BTAF1: variants seen among roughly 807,000 people sequenced by gnomAD.
BTAF1 encodes TATA-binding protein-associated factor 172.
In BTAF1, 38 loss-of-function variants were observed where a neutral mutation model predicts 227.1. The observed-to-expected ratio is 0.17, with a 90% CI of 0.13 to 0.22. BTAF1 has a LOEUF of 0.22. BTAF1 is among the 10% of genes least tolerant of loss of function. The pLI is 1.00. For missense variants in BTAF1, 1,598 were observed against 2,204.0 expected (o/e 0.73, Z 5.51); for synonymous variants, 742 against 751.9 (o/e 0.99, Z 0.21).
chr10:91,940,993 A>C (rs1844955039), intron 3 of BTAF1, among the ~76,000 whole-genome samples: 2 of 152,214 alleles, frequency 1.3e-5, no homozygotes, highest in Admixed American at 6.5e-5. Context: ...TAGAGGCATG[A>C]GCCACTGTGC....
rs991747650 is a variant in BTAF1 at position 92,027,133 on chromosome 10, C to T, written c.5239C>T (p.Arg1747Cys). The change falls in exon 37 of 38, where the codon CGT becomes TGT. Residue 1747 changes from arginine to cysteine, a missense_variant. Transcript: ENST00000265990. ...CTTAACTGTTTTTCTTATCCAGAAA[C>T]GTGTGGTTAACGTATACCGATTGAT... ...MDRAHRIGQK[R>C]VVNVYRLITR... 12 of 1,607,928 alleles carry T rather than the reference C, an allele frequency of 7.5e-6. No individual in the cohort carries two copies. In the East Asian group the frequency reaches 1.6e-4, roughly 21 times the overall value.
At chr10:92,007,905 AGTT>A (rs1707744240) in intron 25 of BTAF1, among the ~76,000 whole-genome samples, 1 of 152,218 alleles carries the variant, frequency 6.6e-6, no homozygotes, top group Admixed American at 6.5e-5. Context: ...GGGAAAATGA[AGTT>A]GTAGATTATG....
intron 19 of BTAF1, among the ~76,000 whole-genome samples, chr10:91,987,128 T>G (rs1321205847): frequency 2.0e-5 from 3 of 151,666 alleles, no homozygotes; most frequent in African/African-American, 4.8e-5. Flanking sequence ...TTTTTTTTTT[T>G]TTGACAAAGA....
At chr10:92,009,532 CT>C (rs1258576920) in intron 28 of BTAF1, among the ~76,000 whole-genome samples, 2 of 152,190 alleles carry the variant, frequency 1.3e-5, no homozygotes, top group Non-Finnish European at 2.9e-5. Flanking sequence ...TTTCTACCCA[CT>C]TTCCTGAGAG....
intron 19 of BTAF1, among the ~76,000 whole-genome samples, chr10:91,986,317 T>C (rs1214345083): frequency 6.6e-6 from 1 of 152,218 alleles, no homozygotes; most frequent in African/African-American, 2.4e-5. Flanking sequence ...TCTTTCCTTA[T>C]GCCAGCATCC....
intron 25 of BTAF1, among the ~76,000 whole-genome samples, chr10:91,999,398 CTT>C (rs528102402): frequency 6.8e-6 from 1 of 146,952 alleles, no homozygotes; most frequent in Admixed American, 6.8e-5. Flanking sequence ...ATTTTCAAGA[CTT>C]TTTTTTTTTG....
Position 91,942,498 on chromosome 10 carries a change from A to T in BTAF1, c.330A>T (p.Arg110Ser), listed in dbSNP as rs752993328. Residue 110 changes from arginine (R) to serine (S), a missense_variant, in exon 4 of 38, where the codon AGA becomes AGT. Coordinates refer to ENST00000265990, the MANE Select transcript of BTAF1 (RefSeq NM_003972.3). ...RLNFDRFDIC[R>S]LLQHGASLLG... ...ATTTTGACAGATTTGATATATGTAG[A>T]TTGTTACAACATGGTGCATCACTCC... The T allele has an allele frequency of 6.2e-7, 1 of 1,614,124 alleles. No individual in the cohort carries two copies. Among genetic ancestry groups the T allele is most frequent in the East Asian group, 2.2e-5 (1 of 44,884 alleles).
Position 91,942,566 on chromosome 10 carries a change from C to T in BTAF1, c.398C>T (p.Ser133Leu). Residue 133 changes from serine to leucine, a missense_variant and splice_region_variant, in exon 4 of 38, where the codon TCA becomes TTA. Physicochemically the swap from Ser to Leu is moderately radical, Grantham distance 145 (BLOSUM62 -2). Coordinates refer to ENST00000265990, the MANE Select transcript of BTAF1 (RefSeq NM_003972.3). ...GAEFEVQDEK[S>L]GEVDPKERIA... ...GAATTTGAAGTCCAAGATGAAAAAT[C>T]AGGTCTGTAGTGGTTCTGAGAAGAA... The T allele has an allele frequency of 6.2e-7, 1 of 1,613,916 alleles. No homozygotes were observed. The highest frequency in any genetic ancestry group is 8.5e-7 in the Non-Finnish European group (1 of 1,179,956).
Position 91,960,135 on chromosome 10 carries a change from A to G in BTAF1, c.1244A>G (p.Tyr415Cys). 5 of 1,612,906 alleles carry G rather than the reference A, an allele frequency of 3.1e-6. No individual in the cohort carries two copies. Among genetic ancestry groups the G allele is most frequent in the Non-Finnish European group, 4.2e-6 (5 of 1,179,470 alleles). ...VRHGGLLGIK[Y>C]ALAVRQDVIN... ...CATGGTGGTCTGCTGGGAATAAAAT[A>G]TGCTTTGGCAGTCCGTCAGGTAAAT... The change falls in exon 11 of 38, where the codon TAT becomes TGT. Residue 415 changes from tyrosine (Y) to cysteine (C), a missense_variant. Physicochemically the swap from Tyr to Cys is radical, Grantham distance 194 (BLOSUM62 -2). This residue lies in a region of BTAF1 where 52 missense variants were observed against 72.4 expected (regional missense o/e 0.72). Transcript: ENST00000265990.
chr10:92,007,553 A>G lies in BTAF1; in HGVS notation c.3661-570A>G, dbSNP rs913024521. Among the ~76,000 whole-genome samples, 22 of 152,244 alleles carry G rather than the reference A, an allele frequency of 1.4e-4. No homozygotes were observed. The East Asian group carries it at 3.5e-3, about 24-fold the overall frequency. The stretch of plus-strand genomic sequence containing the variant: ...AGGACATTTTTAAGTAACACTGGCT[A>G]TTTGAAAAAATGCTAATGTATAGTT... On this transcript the variant is annotated intron_variant, in intron 25 of 37. Coordinates refer to ENST00000265990, the MANE Select transcript of BTAF1 (RefSeq NM_003972.3).
chr10:91,960,521 GA>G (rs1431787609), intron 11 of BTAF1, among the ~76,000 whole-genome samples: 1 of 151,490 alleles, frequency 6.6e-6, no homozygotes, highest in African/African-American at 2.4e-5. Flanking sequence ...ATACATACAG[GA>G]GTAGACATCA....
intron 12 of BTAF1, 80 bp downstream of exon 12, chr10:91,962,758 T>G: frequency 7.6e-7 from 1 of 1,308,994 alleles, no homozygotes. Flanking sequence ...ATACATTGTG[T>G]ACATTTTTCT....
intron 14 of BTAF1, among the ~76,000 whole-genome samples, chr10:91,974,144 A>C (rs1847518878): frequency 6.6e-6 from 1 of 152,146 alleles, no homozygotes; most frequent in African/African-American, 2.4e-5. Context: ...CTCAAGCTAT[A>C]CCTCAATAAT....
At chr10:91,941,608 A>G (rs1845003675) in intron 3 of BTAF1, among the ~76,000 whole-genome samples, 1 of 152,170 alleles carries the variant, frequency 6.6e-6, no homozygotes, top group Non-Finnish European at 1.5e-5. Context: ...TTGAGTGCAT[A>G]GTTGCTTTGT....
At chr10:92,002,948 A>G (rs959383614) in intron 25 of BTAF1, among the ~76,000 whole-genome samples, 2 of 152,114 alleles carry the variant, frequency 1.3e-5, no homozygotes, top group Non-Finnish European at 2.9e-5. Flanking sequence ...TCACGAGGTC[A>G]GGAGTTCAAG....
chr10:92,018,461 A>G (rs2134152642), intron 33 of BTAF1, among the ~76,000 whole-genome samples: 1 of 152,318 alleles, frequency 6.6e-6, no homozygotes, highest in South Asian at 2.1e-4. Flanking sequence ...TGTCTGCATT[A>G]CCAGGTACTT....
chr10:91,942,298 T>TTGTGTGTGTGTGTGGG, intron 3 of BTAF1, 124 bp from the exon 4 acceptor site: 1 of 545,504 alleles, frequency 1.8e-6, no homozygotes, highest in Non-Finnish European at 3.0e-6. Context: ...AAAAAAAAGT[T>TTGTGTGTGTGTGTGGG]TGTGTGTGTG....
At chr10:91,956,223 A>T (rs982766360) in intron 6 of BTAF1, among the ~76,000 whole-genome samples, 1 of 152,220 alleles carries the variant, frequency 6.6e-6, no homozygotes, top group Admixed American at 6.5e-5. Flanking sequence ...TATAAAAAAG[A>T]TGATGAGCTG....
At chr10:91,980,116 A>C (rs1198406482) in intron 14 of BTAF1, among the ~76,000 whole-genome samples, 1 of 152,164 alleles carries the variant, frequency 6.6e-6, no homozygotes, top group Non-Finnish European at 1.5e-5. Flanking sequence ...TTCTTGACAA[A>C]GCAGTGATGT....
Sources: gnomAD v4.1 joint callset for allele counts (sites outside exome capture counted in the v4.1 genomes callset) on GRCh38, gnomAD v4.1.1 for gene constraint, gnomAD v4.1.1 regional missense constraint, MANE v1.5 for transcripts, NCBI Gene and HGNC (gene_info 2026-07-23, HGNC 2026-07-21) for gene names.